Variants in KDM2A observed in about 807,000 individuals in gnomAD.
KDM2A encodes lysine-specific demethylase 2A.
In KDM2A, 3 loss-of-function variants were observed where a neutral mutation model predicts 137.3. That is an observed-to-expected ratio of 0.02 (90% confidence interval 0.01 to 0.06). The LOEUF is 0.06. Among genes scored for constraint, KDM2A ranks in the 10% least tolerant of loss-of-function variants. The probability of loss-of-function intolerance (pLI) is 1.00; values close to 1 mark genes in which losing one functional copy is unlikely to be tolerated. For synonymous variants in KDM2A, 512 were observed against 541.5 expected (o/e 0.95, Z 0.76); for missense variants, 738 against 1,510.6 (o/e 0.49, Z 8.48).
chr11:67,240,410 C>T (rs1408873205), intron 12 of KDM2A: 10 of 1,500,210 alleles, frequency 6.7e-6, no homozygotes, highest in South Asian at 1.2e-5. Context: ...GTTTGGGGTG[C>T]GTGTAACTAT....
chr11:67,205,056 T>A (rs952950197), intron 5 of KDM2A, among the ~76,000 whole-genome samples: 1 of 152,202 alleles, frequency 6.6e-6, no homozygotes. Flanking sequence ...CATTCTGTGT[T>A]TAGTTTATTG....
At chr11:67,182,556 G>A (rs1419011334) in intron 5 of KDM2A, among the ~76,000 whole-genome samples, 3 of 128,898 alleles carry the variant, frequency 2.3e-5, no homozygotes, top group African/African-American at 5.8e-5. Context: ...TTTTTGAGAC[G>A]CAGTCTCCCT....
intron 2 of KDM2A, chr11:67,143,383 T>C (rs982069747): frequency 1.3e-5 from 2 of 151,998 alleles, no homozygotes; most frequent in African/African-American, 4.8e-5. Context: ...TATGAAATAG[T>C]GTTGGTTCAG....
chr11:67,170,537 C>T (rs1253778), intron 2 of KDM2A, among the ~76,000 whole-genome samples: 107,416 of 151,214 alleles, frequency 0.71, 44,399 homozygotes, highest in South Asian at 0.93. Context: ...CTGAGCCTCC[C>T]GAGTAGCTGG....
At chr11:67,176,794 A>G (rs1856980053) in intron 2 of KDM2A, among the ~76,000 whole-genome samples, 1 of 151,824 alleles carries the variant, frequency 6.6e-6, no homozygotes. Flanking sequence ...TATAAAAGGC[A>G]AAAAAAATGG....
chr11:67,179,057 CT>C (rs1857030149), intron 2 of KDM2A, among the ~76,000 whole-genome samples: 1 of 152,122 alleles, frequency 6.6e-6, no homozygotes, highest in Non-Finnish European at 1.5e-5. Context: ...CACATCAGCA[CT>C]TGTTATTGTT....
chr11:67,143,629 T>G (rs1239281729), intron 2 of KDM2A, among the ~76,000 whole-genome samples: 3 of 151,840 alleles, frequency 2.0e-5, no homozygotes, highest in Admixed American at 6.6e-5. Flanking sequence ...TTTTATTTAT[T>G]TATTTATTTA....
intron 17 of KDM2A, chr11:67,252,435 C>T (rs1859457964): frequency 2.1e-6 from 1 of 472,914 alleles, no homozygotes; most frequent in Non-Finnish European, 3.9e-6. Flanking sequence ...TGTTCTCAAA[C>T]ACTCCAGAAT....
intron 2 of KDM2A, among the ~76,000 whole-genome samples, chr11:67,176,913 T>C (rs1290339456): frequency 6.6e-6 from 1 of 152,230 alleles, no homozygotes; most frequent in Non-Finnish European, 1.5e-5. Context: ...GACACTTTTG[T>C]AGATTTTATG....
At position 67,257,815 on chromosome 11, in the gene KDM2A, C is replaced by T. The variant is rs756813769; in HGVS notation, c.*2760C>T. On this transcript the variant is annotated 3_prime_UTR_variant, in exon 21 of 21. Transcript: ENST00000529006. ...TAAGGGGATAAGTCTTATGCTATCT[C>T]AGTTGACACATTGAGGTTATTTTGG... 4 of 152,128 alleles carry T rather than the reference C, an allele frequency of 2.6e-5. No individual in the cohort carries two copies. The highest frequency in any genetic ancestry group is 5.9e-5 in the Non-Finnish European group (4 of 68,034). The allele number at this position is 152,128 out of a possible 1,614,324, so 9.4% of individuals were successfully genotyped here.
intron 2 of KDM2A, 121 bp from the exon 3 acceptor site, chr11:67,179,958 G>T (rs1857051670): frequency 2.2e-6 from 2 of 923,678 alleles, no homozygotes; most frequent in Non-Finnish European, 3.2e-6. Context: ...GATCCATAAG[G>T]CAAGGAAAAT....
At chr11:67,200,800 C>A (rs182660741) in intron 5 of KDM2A, among the ~76,000 whole-genome samples, 1 of 152,274 alleles carries the variant, frequency 6.6e-6, no homozygotes, top group Non-Finnish European at 1.5e-5. Flanking sequence ...AGCTACCATG[C>A]CTTGCCTGAG....
At chr11:67,199,063 A>G (rs1461795891) in intron 5 of KDM2A, among the ~76,000 whole-genome samples, 1 of 152,178 alleles carries the variant, frequency 6.6e-6, no homozygotes, top group Non-Finnish European at 1.5e-5. Flanking sequence ...TACAGGCATG[A>G]GCCACTGCAC....
At chr11:67,218,385 T>A (rs1858234035) in intron 9 of KDM2A, among the ~76,000 whole-genome samples, 1 of 152,214 alleles carries the variant, frequency 6.6e-6, no homozygotes, top group Admixed American at 6.5e-5. Flanking sequence ...AGAGCAAATA[T>A]TTAAATCTGT....
intron 5 of KDM2A, among the ~76,000 whole-genome samples, chr11:67,197,961 C>T (rs1857520892): frequency 6.6e-6 from 1 of 151,084 alleles, no homozygotes; most frequent in Non-Finnish European, 1.5e-5. Context: ...TTATGTTATA[C>T]ATATTATATA....
intron 2 of KDM2A, among the ~76,000 whole-genome samples, chr11:67,162,436 G>A (rs1333105680): frequency 2.0e-5 from 3 of 152,032 alleles, no homozygotes; most frequent in Non-Finnish European, 2.9e-5. Flanking sequence ...ACAGAGTCTC[G>A]TTCTGTCACC....
chr11:67,224,461 C>CTTT (rs35180780), intron 10 of KDM2A, among the ~76,000 whole-genome samples: 8,491 of 94,992 alleles, frequency 0.089, 1,392 homozygotes, highest in African/African-American at 0.29. Context: ...TAACCCCTTT[C>CTTT]TTTTTTTTTT....
intron 15 of KDM2A, 42 bp downstream of exon 15, chr11:67,246,158 GA>G: frequency 6.2e-7 from 1 of 1,609,866 alleles, no homozygotes; most frequent in East Asian, 2.2e-5. Flanking sequence ...TCAGCTAATG[GA>G]GTGAGTGACA....
intron 5 of KDM2A, chr11:67,195,852 G>A (rs535052729): frequency 4.5e-5 from 11 of 245,966 alleles, no homozygotes; most frequent in South Asian, 2.5e-4. Context: ...AGCTGGTTCC[G>A]TTGCCAGTAT....
Sources: gnomAD v4.1 joint callset for allele counts (sites outside exome capture counted in the v4.1 genomes callset) on GRCh38, gnomAD v4.1.1 for gene constraint, MANE v1.5 for transcripts, NCBI Gene and HGNC (gene_info 2026-07-23, HGNC 2026-07-21) for gene names.